The following KLF12 variants were observed in gnomAD, a reference collection of about 807,000 sequenced individuals.
KLF12 encodes KLF transcription factor 12, also known as Krueppel-like factor 12.
A neutral mutation model predicts 37.8 loss-of-function variants in KLF12; 9 were observed. The ratio of observed to expected loss-of-function variants is 0.24; its 90% CI spans 0.14 to 0.42. The LOEUF is 0.42. Ranked by LOEUF, KLF12 falls within the 10% of genes least tolerant of loss-of-function variation. KLF12 has a pLI of 1.00. For synonymous variants in KLF12, 208 were observed against 202.1 expected (o/e 1.03, Z -0.25); for missense variants, 411 against 516.0 (o/e 0.80, Z 1.97).
intron 3 of KLF12, among the ~76,000 whole-genome samples, chr13:73,873,636 C>T (rs1312367483): frequency 6.6e-6 from 1 of 151,876 alleles, no homozygotes; most frequent in Non-Finnish European, 1.5e-5. Context: ...CTATATAAAC[C>T]TTTGCTCAGC....
chr13:74,003,953 A>ACC (rs1239219905), intron 1 of KLF12, among the ~76,000 whole-genome samples: 3 of 152,224 alleles, frequency 2.0e-5, no homozygotes, highest in African/African-American at 7.2e-5. Flanking sequence ...ATTTGGAGAC[A>ACC]CACACAAAAC....
chr13:73,713,398 G>A (rs1310610068), intron 7 of KLF12, among the ~76,000 whole-genome samples: 1 of 152,208 alleles, frequency 6.6e-6, no homozygotes, highest in Non-Finnish European at 1.5e-5. Context: ...TCAGCCAGAA[G>A]TGCCAAAGAG....
At chr13:73,785,113 A>G (rs977749191) in intron 5 of KLF12, among the ~76,000 whole-genome samples, 1 of 132,140 alleles carries the variant, frequency 7.6e-6, no homozygotes, top group Non-Finnish European at 1.6e-5. Flanking sequence ...TGATGTAATT[A>G]TCTAATTTTT....
At chr13:73,956,393 T>G (rs1250737558) in intron 2 of KLF12, among the ~76,000 whole-genome samples, 1 of 152,202 alleles carries the variant, frequency 6.6e-6, no homozygotes, top group African/African-American at 2.4e-5. Context: ...TCTTGACATC[T>G]GCACTACAGA....
chr13:74,081,588 C>G (rs1371190871), intron 1 of KLF12, among the ~76,000 whole-genome samples: 2 of 152,166 alleles, frequency 1.3e-5, no homozygotes, highest in Non-Finnish European at 2.9e-5. Flanking sequence ...GACAATGGAT[C>G]TGCCATGAGC....
intron 1 of KLF12, among the ~76,000 whole-genome samples, chr13:74,084,837 AT>A (rs1223798099): frequency 2.6e-5 from 4 of 151,980 alleles, no homozygotes; most frequent in African/African-American, 9.7e-5. Flanking sequence ...AAAAAAAGGG[AT>A]GGGAACATTT....
At chr13:74,258,075 C>A in the KLF12 span, 1 of 151,454 alleles carries the variant, frequency 6.6e-6, no homozygotes, top group Non-Finnish European at 1.5e-5. Flanking sequence ...TGTTATGAAT[C>A]GTGATTTCTG....
At chr13:74,086,009 A>C (rs1875265265) in intron 1 of KLF12, among the ~76,000 whole-genome samples, 1 of 151,196 alleles carries the variant, frequency 6.6e-6, no homozygotes. Flanking sequence ...TATATATAAA[A>C]TTATGAAAGA....
chr13:73,784,530 C>T (rs1378382154), intron 5 of KLF12, among the ~76,000 whole-genome samples: 2 of 152,046 alleles, frequency 1.3e-5, no homozygotes, highest in African/African-American at 4.8e-5. Flanking sequence ...CCCCACTCCG[C>T]ACACAACAGA....
chr13:73,888,666 T>C (rs1326057623), intron 3 of KLF12, among the ~76,000 whole-genome samples: 1 of 152,214 alleles, frequency 6.6e-6, no homozygotes, highest in Non-Finnish European at 1.5e-5. Flanking sequence ...TTATTGGGAC[T>C]GTCACAAAAG....
chr13:73,892,252 GACA>G lies in KLF12; in HGVS notation c.124-45882_124-45880del, dbSNP rs1297800900. Among the ~76,000 whole-genome samples the G allele has an allele frequency of 2.0e-5, 3 of 152,124 alleles. No individual in the cohort carries two copies. The East Asian group carries it at 5.8e-4, about 29-fold the overall frequency. On this transcript the variant is annotated intron_variant, in intron 3 of 7. Coordinates refer to ENST00000377669, the MANE Select transcript of KLF12 (RefSeq NM_007249.5). ...CTGGAATAACAAATGAAAATAATGG[GACA>G]ACAATGGAAGGCAAAGAGAGTAAAA...
chr13:74,185,650 A>AT, the KLF12 span, among the ~76,000 whole-genome samples: 32 of 151,840 alleles, frequency 2.1e-4, no homozygotes, highest in African/African-American at 7.3e-4. Context: ...TAAGACTTCT[A>AT]TTTTTTATTT....
chr13:73,855,179 G>A (rs749293388), intron 3 of KLF12, among the ~76,000 whole-genome samples: 7 of 152,112 alleles, frequency 4.6e-5, no homozygotes, highest in African/African-American at 7.2e-5. Context: ...TGAGATTTGC[G>A]TTACGATTCA....
intron 6 of KLF12, among the ~76,000 whole-genome samples, chr13:73,735,951 CTTTT>C (rs542835566): frequency 1.5e-5 from 2 of 132,816 alleles, no homozygotes; most frequent in Non-Finnish European, 3.4e-5. Context: ...TTCTTTCTTT[CTTTT>C]TCTTTTTTTT....
chr13:73,886,552 G>C (rs1000966865), intron 3 of KLF12, among the ~76,000 whole-genome samples: 7 of 152,076 alleles, frequency 4.6e-5, no homozygotes, highest in Non-Finnish European at 8.8e-5. Flanking sequence ...GGGCTGATCT[G>C]TGCAGCAAAC....
chr13:73,962,544 G>C (rs1344919431), intron 2 of KLF12, among the ~76,000 whole-genome samples: 1 of 152,192 alleles, frequency 6.6e-6, no homozygotes, highest in African/African-American at 2.4e-5. Flanking sequence ...TGTCGTGCAG[G>C]ATGCTGAAAT....
At chr13:74,211,898 T>C in the KLF12 span, among the ~76,000 whole-genome samples, 1 of 152,222 alleles carries the variant, frequency 6.6e-6, no homozygotes, top group East Asian at 1.9e-4. Flanking sequence ...AACATAAAAT[T>C]GTGACCTCAT....
intron 5 of KLF12, among the ~76,000 whole-genome samples, chr13:73,805,494 G>A (rs1882516073): frequency 6.6e-6 from 1 of 151,626 alleles, no homozygotes; most frequent in Non-Finnish European, 1.5e-5. Context: ...GCACACACTT[G>A]TAGTCTCAGC....
At chr13:73,777,098 C>T (rs932931350) in intron 5 of KLF12, among the ~76,000 whole-genome samples, 6 of 152,114 alleles carry the variant, frequency 3.9e-5, no homozygotes, top group Non-Finnish European at 7.4e-5. Flanking sequence ...ATGATTACTT[C>T]GAGAGGTCAG....
Sources: allele counts gnomAD v4.1 joint callset (sites outside exome capture counted in the v4.1 genomes callset), GRCh38; gene constraint gnomAD v4.1.1; transcripts MANE v1.5; gene names NCBI Gene and HGNC (gene_info 2026-07-23, HGNC 2026-07-21).